Variants in RBM27 observed in about 807,000 individuals in gnomAD.
RBM27 encodes RNA-binding protein 27.
Under a neutral mutation model 135.3 loss-of-function variants are expected in RBM27, and 22 were observed. The ratio of observed to expected loss-of-function variants is 0.16; its 90% CI spans 0.12 to 0.23. The LOEUF (loss-of-function observed/expected upper bound fraction) is 0.23. RBM27 is among the 10% of genes least tolerant of loss of function. RBM27 has a pLI of 1.00. For missense variants in RBM27, 1,009 were observed against 1,281.0 expected, an observed-to-expected ratio of 0.79 and a Z score of 3.24; for synonymous variants, 481 against 442.4, an observed-to-expected ratio of 1.09 and a Z score of -1.10.
chr5:146,260,980 G>A, intron 12 of RBM27, 82 bp downstream of exon 12: 1 of 1,348,916 alleles, frequency 7.4e-7, no homozygotes, highest in Non-Finnish European at 1.0e-6. Context: ...TTGTTTAAAT[G>A]AGTCAGTGGT....
chr5:146,206,378 T>TTC (rs1554076415), intron 1 of RBM27, among the ~76,000 whole-genome samples: 48 of 146,904 alleles, frequency 3.3e-4, no homozygotes, highest in African/African-American at 1.2e-3. Context: ...TTTTTTTTTT[T>TTC]CCTTCTTTTT....
At chr5:146,224,964 T>C (rs533283456) in intron 3 of RBM27, among the ~76,000 whole-genome samples, 1 of 152,310 alleles carries the variant, frequency 6.6e-6, no homozygotes, top group East Asian at 1.9e-4. Flanking sequence ...AGTAAAGTAC[T>C]TCAGTGTGTA....
In RBM27 at chr5:146,230,466, G is replaced by C. The variant is rs561627265; in HGVS notation, c.590-191G>C. Among the ~76,000 whole-genome samples the C allele has an allele frequency of 2.4e-4, 36 of 152,216 alleles. No homozygotes were observed. The highest frequency in any genetic ancestry group is 6.2e-4 in the South Asian group (3 of 4,824). The stretch of plus-strand genomic sequence containing the variant: ...AAAAGATGATTTTGCACAAGTTCTT[G>C]CCCAAGATATGTCACTTGTTGATGT... On this transcript the variant is annotated intron_variant, in intron 5 of 20. Transcript: ENST00000265271.
At position 146,219,038 on chromosome 5, in the gene RBM27, A is replaced by G. The variant is rs1756330045; in HGVS notation, c.113A>G (p.Lys38Arg). 6.2e-7 allele frequency: 1 copy of G among 1,613,722 alleles called. No individual in the cohort carries two copies. The highest frequency in any genetic ancestry group is 8.5e-7 in the Non-Finnish European group (1 of 1,179,854). ...AACTATGTTGTAGCACTGGTCAAGAAGGACAAACCTGAGAAAGAATTAAAA... is the reference window on the plus strand; with the variant it reads ...AACTATGTTGTAGCACTGGTCAAGAGGGACAAACCTGAGAAAGAATTAAAA... ...LANYVVALVKKDKPEKELKAF... is the reference protein window; with the variant it reads ...LANYVVALVKRDKPEKELKAF... Residue 38 changes from lysine (K) to arginine (R), a missense_variant, in exon 2 of 21, where the codon AAG becomes AGG. Around this residue, in one of 6 missense-constraint regions of RBM27, gnomAD observed 268 missense variants for 326.6 expected, o/e 0.82. Transcript: ENST00000265271.
chr5:146,253,399 A>G (rs1003676169), intron 9 of RBM27, among the ~76,000 whole-genome samples: 1 of 152,288 alleles, frequency 6.6e-6, no homozygotes, highest in Middle Eastern at 3.4e-3. Flanking sequence ...TGTGATAATA[A>G]TTTATTAAAA....
At chr5:146,279,177 C>T (rs1759222932) in intron 19 of RBM27, among the ~76,000 whole-genome samples, 2 of 151,676 alleles carry the variant, frequency 1.3e-5, no homozygotes, top group Middle Eastern at 3.2e-3. Flanking sequence ...GGGCTGGGTG[C>T]GGTGGCTCAC....
At position 146,284,047 on chromosome 5, in the gene RBM27, A is replaced by C. The variant is rs565284341; in HGVS notation, c.2989-575A>C. Among the ~76,000 whole-genome samples, 10 of 152,216 alleles carry C rather than the reference A, an allele frequency of 6.6e-5. 1 individual carries two copies. The highest frequency in any genetic ancestry group is 6.5e-4 in the Admixed American group (10 of 15,280). On this transcript the variant is annotated intron_variant, in intron 19 of 20. Transcript: ENST00000265271. ...AAAAAAATGTTTAAAAATTAGTACC[A>C]AGTAACATTTGAAATGGAGCAGTTT... is the stretch of plus-strand genomic sequence containing the variant.
chr5:146,213,629 T>G (rs1186749481), intron 1 of RBM27, among the ~76,000 whole-genome samples: 1 of 152,152 alleles, frequency 6.6e-6, no homozygotes, highest in East Asian at 1.9e-4. Context: ...ATGGTAATGG[T>G]TTTTCAGTAG....
At position 146,273,671 on chromosome 5, in the gene RBM27, CTCT is replaced by C. The variant is rs773429337; in HGVS notation, c.2988+2003_2988+2005del. On this transcript the variant is annotated intron_variant, in intron 19 of 20. Coordinates refer to ENST00000265271, the MANE Select transcript of RBM27 (RefSeq NM_018989.2). ...TAGAGTTAGCAAACATAAAAGGAAA[CTCT>C]TCTTCAAGGTCTTTTGTATCTCACA... Among the ~76,000 whole-genome samples, 158 of 152,220 alleles carry C rather than the reference CTCT, an allele frequency of 1.0e-3. 1 individual carries two copies. Among genetic ancestry groups the C allele is most frequent in the Non-Finnish European group, 3.2e-4 (22 of 68,000 alleles).
Position 146,269,597 on chromosome 5 carries a change from A to AT in RBM27, c.2691+19dup, listed in dbSNP as rs1364182261. ...GACAAAAACGGAGGTATCTATTTGC[A>AT]TTTTTTATTTAACATAGGGTTATTG... On this transcript the variant is annotated intron_variant, in intron 17 of 20. Transcript: ENST00000265271. 6.6e-7 allele frequency: 1 copy of AT among 1,507,670 alleles called. No homozygotes were observed. Among genetic ancestry groups the AT allele is most frequent in the Non-Finnish European group, 8.8e-7 (1 of 1,133,254 alleles). 93.4% of individuals were successfully genotyped at this position (1,507,670 alleles called of 1,614,324 possible).
chr5:146,250,299 G>C (rs1757825165), intron 8 of RBM27, among the ~76,000 whole-genome samples: 1 of 151,976 alleles, frequency 6.6e-6, no homozygotes, highest in African/African-American at 2.4e-5. Context: ...AAATTAGCCA[G>C]GCATGGTGGT....
At chr5:146,263,072 C>T (rs149658146) in intron 13 of RBM27, among the ~76,000 whole-genome samples, 3,604 of 151,856 alleles carry the variant, frequency 0.024, 57 homozygotes, top group Middle Eastern at 0.038. Flanking sequence ...TTAGTAGAGA[C>T]GGGGTTTCAC....
At position 146,260,905 on chromosome 5, in the gene RBM27, G is replaced by A. The variant is rs764120574; in HGVS notation, c.1893+7G>A. On this transcript the variant is annotated splice_region_variant and intron_variant, in intron 12 of 20. Transcript: ENST00000265271. Reference sequence around the variant, plus strand: ...AACTATTGTTAATATCCAGGTAAATGTGGCTATGTCAGTGACAGAATCCAG... The same window carrying A: ...AACTATTGTTAATATCCAGGTAAATATGGCTATGTCAGTGACAGAATCCAG... 2.4e-5 allele frequency: 38 copies of A among 1,605,810 alleles called. No homozygotes were observed. In the South Asian group the frequency reaches 4.3e-4, roughly 18 times the overall value.
chr5:146,206,051 T>C (rs1397195645), intron 1 of RBM27, among the ~76,000 whole-genome samples: 1 of 152,130 alleles, frequency 6.6e-6, no homozygotes, highest in East Asian at 1.9e-4. Context: ...GTGTTATTCA[T>C]GTTATTTAAG....
chr5:146,263,576 A>T lies in RBM27; in HGVS notation c.2276A>T (p.Gln759Leu). 5 of 1,614,196 alleles carry T rather than the reference A, an allele frequency of 3.1e-6. No homozygotes were observed. Among genetic ancestry groups the T allele is most frequent in the Non-Finnish European group, 4.2e-6 (5 of 1,180,020 alleles). The part of the protein sequence containing the change: ...KHRLGHAGGN[Q>L]SDASHLLNQS... The stretch of plus-strand genomic sequence containing the variant: ...CGTCTTGGACATGCAGGTGGTAACC[A>T]GAGTGATGCATCACATTTGTTGAAT... Residue 759 changes from glutamine to leucine, a missense_variant, in exon 14 of 21, where the codon CAG becomes CTG. Around this residue, in one of 6 missense-constraint regions of RBM27, gnomAD observed 355 missense variants for 427.3 expected, o/e 0.83. Coordinates refer to ENST00000265271, the MANE Select transcript of RBM27 (RefSeq NM_018989.2).
chr5:146,275,618 T>A (rs928716780), intron 19 of RBM27, among the ~76,000 whole-genome samples: 1 of 152,164 alleles, frequency 6.6e-6, no homozygotes, highest in East Asian at 1.9e-4. Context: ...TATCTTTATT[T>A]CACAGAAATC....
rs191196542 is a variant in RBM27 at position 146,242,826 on chromosome 5, G to A, written c.1279+5394G>A. ...TTGGCCAGGCTGGTCCCAAACTCCC[G>A]ACCTCAGGTGATCCTTCCGACTCAG... On this transcript the variant is annotated intron_variant, in intron 8 of 20. Transcript: ENST00000265271. Among the ~76,000 whole-genome samples the A allele has an allele frequency of 2.4e-3, 365 of 151,968 alleles. 1 individual carries two copies. Among genetic ancestry groups the A allele is most frequent in the African/African-American group, 8.4e-3 (350 of 41,466 alleles).
In RBM27 at chr5:146,287,548, CAAGGATTT is replaced by C. The variant is rs1232989991; in HGVS notation, c.*1519_*1526del. 1 of 151,982 alleles carries C rather than the reference CAAGGATTT, an allele frequency of 6.6e-6. No individual in the cohort carries two copies. The highest frequency in any genetic ancestry group is 1.5e-5 in the Non-Finnish European group (1 of 67,986). 9.4% of individuals were successfully genotyped at this position (151,982 alleles called of 1,614,324 possible). Reference sequence around the variant, plus strand: ...AAAAGGGTCTTGGTGACCACTATATCAAGGATTTTGTTTGCTGAGGTAAAGACAATTTC... The same window carrying C: ...AAAAGGGTCTTGGTGACCACTATATCTGTTTGCTGAGGTAAAGACAATTTC... On this transcript the variant is annotated 3_prime_UTR_variant, in exon 21 of 21. Transcript: ENST00000265271.
chr5:146,270,086 C>T (rs1758797463), intron 17 of RBM27, among the ~76,000 whole-genome samples: 1 of 152,062 alleles, frequency 6.6e-6, no homozygotes, highest in Admixed American at 6.5e-5. Flanking sequence ...ATAAAACCAT[C>T]CTTTAAAAAA....
Sources: allele counts gnomAD v4.1 joint callset (sites outside exome capture counted in the v4.1 genomes callset), GRCh38; gene constraint gnomAD v4.1.1; regional missense constraint gnomAD v4.1.1; transcripts MANE v1.5; gene names NCBI Gene and HGNC (gene_info 2026-07-23, HGNC 2026-07-21).